Variants in VWA8 observed in about 807,000 individuals in gnomAD.
VWA8 encodes von Willebrand factor A domain-containing protein 8.
VWA8 carries 221 observed loss-of-function variants against 241.5 expected under a neutral mutation model. The observed-to-expected ratio is 0.91, with a 90% CI of 0.82 to 1.02. The LOEUF is 1.02. Among genes scored for constraint, VWA8 ranks in the 50% least tolerant of loss-of-function variants. The probability of loss-of-function intolerance (pLI) is 0.00; values close to 1 mark genes in which losing one functional copy is unlikely to be tolerated. For synonymous variants in VWA8, 852 were observed against 827.1 expected, an observed-to-expected ratio of 1.03 and a Z score of -0.52; for missense variants, 2,322 against 2,328.7, an observed-to-expected ratio of 1.00 and a Z score of 0.06.
At chr13:41,817,528 T>C (rs1870750687) in intron 15 of VWA8, among the ~76,000 whole-genome samples, 1 of 152,220 alleles carries the variant, frequency 6.6e-6, no homozygotes, top group Admixed American at 6.5e-5. Context: ...GTTTCATTGG[T>C]CATTTAAGTA....
Position 41,670,678 on chromosome 13 carries a change from A to C in VWA8, c.4611+268T>G, listed in dbSNP as rs978796738. On this transcript the variant is annotated intron_variant, in intron 37 of 44. Coordinates refer to ENST00000379310, the MANE Select transcript of VWA8 (RefSeq NM_015058.2). Reference sequence around the variant, plus strand: ...ACTGGTTAGAGCTTAAGGTTAAAAAACTAAAAGCTGCTGATTGTATTCATA... The same window carrying C: ...ACTGGTTAGAGCTTAAGGTTAAAAACCTAAAAGCTGCTGATTGTATTCATA... 8.5e-5 allele frequency among the ~76,000 whole-genome samples: 13 copies of C among 152,190 alleles called. No homozygotes were observed. In the South Asian group the frequency reaches 1.0e-3, roughly 12 times the overall value.
At chr13:41,930,223 A>C (rs1416771216) in intron 2 of VWA8, among the ~76,000 whole-genome samples, 1 of 152,212 alleles carries the variant, frequency 6.6e-6, no homozygotes, top group Non-Finnish European at 1.5e-5. Flanking sequence ...AAAAAATCAA[A>C]AGATAAATGT....
intron 35 of VWA8, among the ~76,000 whole-genome samples, chr13:41,680,986 TC>T (rs1170853242): frequency 6.6e-6 from 1 of 152,206 alleles, no homozygotes; most frequent in African/African-American, 2.4e-5. Context: ...CCCAACTAGT[TC>T]CCAACTCCGG....
chr13:41,787,576 G>C (rs1341703462), intron 17 of VWA8, 33 bp from the exon 18 acceptor site: 1 of 1,383,620 alleles, frequency 7.2e-7, no homozygotes, highest in Non-Finnish European at 1.0e-6. Flanking sequence ...GGGGGAAATG[G>C]CTTAAGTCAA....
intron 1 of VWA8, chr13:41,955,868 A>G (rs1311078863): frequency 7.9e-5 from 12 of 152,284 alleles, no homozygotes; most frequent in Admixed American, 3.9e-4. Context: ...AACTGATGAG[A>G]CCGTGTTCAA....
intron 24 of VWA8, among the ~76,000 whole-genome samples, chr13:41,724,959 G>A (rs1434710938): frequency 1.3e-5 from 2 of 152,120 alleles, no homozygotes; most frequent in Non-Finnish European, 2.9e-5. Flanking sequence ...GGACACTTGA[G>A]GCCCATTGTT....
At chr13:41,881,895 T>G (rs1233822472) in intron 9 of VWA8, among the ~76,000 whole-genome samples, 2 of 127,260 alleles carry the variant, frequency 1.6e-5, no homozygotes, top group African/African-American at 6.0e-5. Context: ...GCGGCTGGCC[T>G]GGCGGGGGCT....
intron 26 of VWA8, among the ~76,000 whole-genome samples, chr13:41,713,618 T>A (rs1016523293): frequency 5.9e-5 from 9 of 152,164 alleles, no homozygotes; most frequent in African/African-American, 2.2e-4. Flanking sequence ...TACAGTCTCA[T>A]ATCACAGTTA....
intron 18 of VWA8, 52 bp from the exon 19 acceptor site, chr13:41,783,953 T>A (rs1398734094): frequency 1.4e-6 from 2 of 1,404,028 alleles, no homozygotes; most frequent in Non-Finnish European, 2.0e-6. Flanking sequence ...TCCTCAGAGA[T>A]GCCAAGCCAC....
intron 29 of VWA8, among the ~76,000 whole-genome samples, chr13:41,698,199 T>C (rs1186104502): frequency 6.6e-6 from 1 of 152,090 alleles, no homozygotes; most frequent in Non-Finnish European, 1.5e-5. Flanking sequence ...AGAACAAGAA[T>C]TTGTGGGTAT....
At chr13:41,789,810 GATTA>G (rs1026360726) in intron 17 of VWA8, among the ~76,000 whole-genome samples, 2 of 152,286 alleles carry the variant, frequency 1.3e-5, no homozygotes, top group Non-Finnish European at 2.9e-5. Flanking sequence ...GAATGTAATT[GATTA>G]ATTAATTTGT....
chr13:41,890,493 AC>A (rs1296204860), intron 5 of VWA8, among the ~76,000 whole-genome samples: 2 of 152,084 alleles, frequency 1.3e-5, no homozygotes, highest in African/African-American at 4.8e-5. Flanking sequence ...CATTACATGA[AC>A]CCATCTCCCA....
rs1566494865 is a variant in VWA8, at chr13:41,886,809, A to C, written c.838T>G (p.Ser280Ala). The change falls in exon 7 of 45, where the codon TCA (serine) becomes GCA (alanine). Residue 280 changes from serine to alanine, a missense_variant. Physicochemically the swap from Ser to Ala is moderately conservative, Grantham distance 99 (BLOSUM62 1). Transcript: ENST00000379310. ...PFKDQLKLLY[S>A]IGANVSAEKV... Reference sequence around the variant, plus strand: ...TCAGCAGAAACATTGGCTCCAATTGAATATAACAACTTAAGTTGGTCCTAA... The same window carrying C: ...TCAGCAGAAACATTGGCTCCAATTGCATATAACAACTTAAGTTGGTCCTAA... The C allele has an allele frequency of 6.3e-7, 1 of 1,592,806 alleles. No homozygotes were observed.
intron 21 of VWA8, among the ~76,000 whole-genome samples, chr13:41,744,462 A>G (rs1339839542): frequency 2.0e-5 from 3 of 152,236 alleles, no homozygotes; most frequent in East Asian, 1.9e-4. Context: ...TGAACAACCC[A>G]TAAATAAATA....
intron 9 of VWA8, among the ~76,000 whole-genome samples, chr13:41,875,727 G>A (rs1230143231): frequency 6.6e-6 from 1 of 151,960 alleles, no homozygotes; most frequent in Non-Finnish European, 1.5e-5. Flanking sequence ...AGGTACTTCA[G>A]GAGTGGAACT....
At chr13:41,701,276 C>A in intron 28 of VWA8, 116 bp downstream of exon 28, 3 of 1,277,000 alleles carry the variant, frequency 2.3e-6, no homozygotes, top group South Asian at 3.7e-5. Context: ...CTATCCAATC[C>A]AAGAATGACA....
intron 32 of VWA8, 116 bp from the exon 33 acceptor site, chr13:41,690,391 T>C: frequency 1.2e-6 from 1 of 852,502 alleles, no homozygotes; most frequent in Non-Finnish European, 1.7e-6. Context: ...TCCAGTATAA[T>C]TTGCAGTTTT....
intron 37 of VWA8, among the ~76,000 whole-genome samples, chr13:41,636,353 G>C (rs990747478): frequency 2.2e-4 from 34 of 152,194 alleles, no homozygotes; most frequent in Middle Eastern, 3.4e-3. Flanking sequence ...ATAAATGGTG[G>C]TGGGAAAACT....
intron 42 of VWA8, among the ~76,000 whole-genome samples, chr13:41,577,513 T>A (rs1157558052): frequency 2.6e-5 from 4 of 152,184 alleles, no homozygotes; most frequent in Non-Finnish European, 5.9e-5. Context: ...AAGTCATCCA[T>A]GGGTTCAGTG....
Sources: allele counts gnomAD v4.1 joint callset (sites outside exome capture counted in the v4.1 genomes callset), GRCh38; gene constraint gnomAD v4.1.1; transcripts MANE v1.5; gene names NCBI Gene and HGNC (gene_info 2026-07-23, HGNC 2026-07-21).